Variants in CDH13 observed in about 807,000 individuals in gnomAD.
CDH13 encodes the protein cadherin-13.
In CDH13, 24 loss-of-function variants were observed where a neutral mutation model predicts 63.8. That is an observed-to-expected ratio of 0.38 (90% CI 0.27 to 0.53). CDH13 has a LOEUF of 0.53. Ranked by LOEUF, CDH13 falls within the 20% of genes least tolerant of loss-of-function variation. The probability of loss-of-function intolerance (pLI) is 0.85; values close to 1 mark genes in which losing one functional copy is unlikely to be tolerated. For synonymous variants in CDH13, 503 were observed against 355.3 expected (o/e 1.42, Z -4.67); for missense variants, 1,049 against 903.1 (o/e 1.16, Z -2.07).
chr16:83,438,944 A>G (rs141471501), intron 6 of CDH13, among the ~76,000 whole-genome samples: 74 of 152,368 alleles, frequency 4.9e-4, no homozygotes, highest in Non-Finnish European at 9.1e-4. Flanking sequence ...CAGCACATTT[A>G]TCATGCATAT....
intron 7 of CDH13, among the ~76,000 whole-genome samples, chr16:83,518,911 A>G (rs1049405898): frequency 4.6e-5 from 7 of 152,188 alleles, no homozygotes; most frequent in Non-Finnish European, 1.0e-4. Flanking sequence ...TGAACTGTCA[A>G]TTAAACTTCT....
chr16:83,372,963 A>T (rs1277286824), intron 6 of CDH13, among the ~76,000 whole-genome samples: 1 of 152,128 alleles, frequency 6.6e-6, no homozygotes, highest in Non-Finnish European at 1.5e-5. Context: ...TGAAATCTTT[A>T]TAGGAGATGA....
chr16:83,734,482 A>C (rs190600544), intron 10 of CDH13, among the ~76,000 whole-genome samples: 2 of 151,914 alleles, frequency 1.3e-5, no homozygotes, highest in Non-Finnish European at 2.9e-5. Flanking sequence ...TATCGCAAGG[A>C]CAAAAAACCA....
At chr16:82,819,850 T>C (rs1243247799) in intron 1 of CDH13, among the ~76,000 whole-genome samples, 1 of 152,130 alleles carries the variant, frequency 6.6e-6, no homozygotes, top group Non-Finnish European at 1.5e-5. Context: ...AACTAATATA[T>C]AAATAAGTCA....
At chr16:83,244,637 C>T (rs901773848) in intron 5 of CDH13, among the ~76,000 whole-genome samples, 1 of 152,032 alleles carries the variant, frequency 6.6e-6, no homozygotes, top group East Asian at 1.9e-4. Context: ...GACTCATGGA[C>T]TCTACATCTA....
At chr16:82,902,443 G>C (rs139192282) in intron 2 of CDH13, among the ~76,000 whole-genome samples, 8 of 151,124 alleles carry the variant, frequency 5.3e-5, no homozygotes, top group Non-Finnish European at 1.0e-4. Context: ...AGGATACATT[G>C]GTCTTTGACA....
intron 8 of CDH13, among the ~76,000 whole-genome samples, chr16:83,644,281 C>T (rs537524593): frequency 1.3e-5 from 2 of 152,272 alleles, no homozygotes; most frequent in Non-Finnish European, 2.9e-5. Flanking sequence ...ATCCATAATG[C>T]CAAACAATAT....
intron 10 of CDH13, among the ~76,000 whole-genome samples, chr16:83,710,817 G>A (rs962666149): frequency 7.9e-5 from 12 of 152,180 alleles, no homozygotes; most frequent in East Asian, 1.9e-4. Flanking sequence ...TATTCGGAAC[G>A]GGAGAGGGCT....
intron 6 of CDH13, among the ~76,000 whole-genome samples, chr16:83,380,865 G>C (rs1028076479): frequency 1.3e-5 from 2 of 149,576 alleles, no homozygotes; most frequent in African/African-American, 5.0e-5. Flanking sequence ...TAAGGAAAAA[G>C]AGAAGAGTGT....
intron 6 of CDH13, among the ~76,000 whole-genome samples, chr16:83,421,424 C>G (rs1567661158): frequency 6.6e-6 from 1 of 152,176 alleles, no homozygotes; most frequent in Non-Finnish European, 1.5e-5. Flanking sequence ...TCTTAGCTCT[C>G]TACATCTTTC....
chr16:83,700,209 C>T (rs1906011636), intron 10 of CDH13, among the ~76,000 whole-genome samples: 1 of 152,200 alleles, frequency 6.6e-6, no homozygotes, highest in Admixed American at 6.5e-5. Context: ...CTGGCTCCTT[C>T]TGCTCAGCAC....
chr16:83,680,429 C>T (rs1325594363), intron 10 of CDH13, among the ~76,000 whole-genome samples: 1 of 152,102 alleles, frequency 6.6e-6, no homozygotes, highest in African/African-American at 2.4e-5. Flanking sequence ...AGTATGGAGG[C>T]AGCCCATAGG....
At chr16:83,475,893 G>C (rs966333164) in intron 6 of CDH13, among the ~76,000 whole-genome samples, 2 of 152,114 alleles carry the variant, frequency 1.3e-5, no homozygotes, top group Middle Eastern at 3.2e-3. Flanking sequence ...CCTATGGTCT[G>C]TGTTTTTAAA....
At chr16:82,929,353 T>A (rs1440728594) in intron 2 of CDH13, among the ~76,000 whole-genome samples, 5 of 151,786 alleles carry the variant, frequency 3.3e-5, no homozygotes, top group African/African-American at 1.2e-4. Context: ...TTCTACTACA[T>A]GAGGACACAA....
At chr16:83,689,331 T>C (rs1217739285) in intron 10 of CDH13, among the ~76,000 whole-genome samples, 3 of 152,202 alleles carry the variant, frequency 2.0e-5, no homozygotes, top group Non-Finnish European at 4.4e-5. Flanking sequence ...GATTGCTATA[T>C]AAGCTACTAA....
At chr16:83,417,774 C>G (rs2071595615) in intron 6 of CDH13, among the ~76,000 whole-genome samples, 1 of 152,136 alleles carries the variant, frequency 6.6e-6, no homozygotes, top group Non-Finnish European at 1.5e-5. Context: ...TATAAGCAAT[C>G]AGAATTCTCT....
chr16:83,442,090 A>G (rs1486119232), intron 6 of CDH13, among the ~76,000 whole-genome samples: 1 of 152,138 alleles, frequency 6.6e-6, no homozygotes, highest in Non-Finnish European at 1.5e-5. Flanking sequence ...GACCGGAGGA[A>G]CACACAGGCC....
intron 3 of CDH13, among the ~76,000 whole-genome samples, chr16:83,111,827 C>A (rs2035071560): frequency 6.6e-6 from 1 of 152,034 alleles, no homozygotes; most frequent in Non-Finnish European, 1.5e-5. Flanking sequence ...ATATCAAAAA[C>A]CTAAAGAGAA....
chr16:82,976,069 C>A (rs1357947288), intron 2 of CDH13, among the ~76,000 whole-genome samples: 1 of 152,076 alleles, frequency 6.6e-6, no homozygotes, highest in Non-Finnish European at 1.5e-5. Context: ...AGTAACAAAG[C>A]AAAGAAGAAA....
Sources: gnomAD v4.1 joint callset for allele counts (sites outside exome capture counted in the v4.1 genomes callset) on GRCh38, gnomAD v4.1.1 for gene constraint, MANE v1.5 for transcripts, NCBI Gene and HGNC (gene_info 2026-07-23, HGNC 2026-07-21) for gene names.